Variants in ZNF277 observed in about 807,000 individuals in gnomAD.
ZNF277 encodes the protein nuclear receptor-interacting factor 4.
ZNF277 carries 55 observed loss-of-function variants against 60.7 expected under a neutral mutation model. The observed-to-expected ratio is 0.91, with a 90% CI of 0.73 to 1.13. ZNF277 has a LOEUF of 1.13. Ranked by LOEUF, ZNF277 falls within the 50% of genes most tolerant of loss-of-function variation. ZNF277 has a pLI of 0.00. For synonymous variants in ZNF277, 178 were observed against 179.3 expected (o/e 0.99, Z 0.06); for missense variants, 510 against 523.0 (o/e 0.98, Z 0.24).
intron 9 of ZNF277, among the ~76,000 whole-genome samples, 176 bp from the exon 10 acceptor site, chr7:112,339,667 T>TA (rs1563234854): frequency 6.6e-6 from 1 of 152,162 alleles, no homozygotes; most frequent in Non-Finnish European, 1.5e-5. Context: ...GACTATGCTG[T>TA]AAAAAAGTTG....
intron 1 of ZNF277, among the ~76,000 whole-genome samples, chr7:112,207,049 C>G (rs545495777): frequency 1.3e-5 from 2 of 152,304 alleles, no homozygotes; most frequent in Non-Finnish European, 2.9e-5. Flanking sequence ...ATGGAATGGC[C>G]TTCCCCTCCG....
At chr7:112,239,009 C>T (rs1419570090) in intron 1 of ZNF277, among the ~76,000 whole-genome samples, 11 of 152,016 alleles carry the variant, frequency 7.2e-5, no homozygotes, top group Admixed American at 3.3e-4. Context: ...CACCTAATGA[C>T]TAAAGAACCC....
At chr7:112,314,447 C>T (rs1792798436) in intron 4 of ZNF277, among the ~76,000 whole-genome samples, 1 of 152,022 alleles carries the variant, frequency 6.6e-6, no homozygotes, top group Non-Finnish European at 1.5e-5. Flanking sequence ...TCTTGCTATT[C>T]CCTATAACAT....
intron 1 of ZNF277, among the ~76,000 whole-genome samples, chr7:112,218,393 G>A (rs1473358593): frequency 6.6e-6 from 1 of 152,174 alleles, no homozygotes. Context: ...TGTACAGCAT[G>A]ATGTTTTGAT....
At chr7:112,297,985 A>C (rs1483023763) in intron 4 of ZNF277, among the ~76,000 whole-genome samples, 2 of 152,176 alleles carry the variant, frequency 1.3e-5, no homozygotes, top group Non-Finnish European at 2.9e-5. Context: ...TTACAGTTTG[A>C]TAGTGATACA....
intron 1 of ZNF277, among the ~76,000 whole-genome samples, chr7:112,218,073 A>G (rs1421175640): frequency 6.6e-6 from 1 of 152,242 alleles, no homozygotes; most frequent in Non-Finnish European, 1.5e-5. Flanking sequence ...TTGAGTAATA[A>G]TAAAACTCCA....
intron 1 of ZNF277, among the ~76,000 whole-genome samples, chr7:112,259,410 C>T (rs1006862400): frequency 1.7e-4 from 26 of 152,136 alleles, no homozygotes; most frequent in Admixed American, 1.6e-3. Flanking sequence ...ATAAAAATTA[C>T]GTAGTAGTAG....
chr7:112,279,636 C>T (rs916660345), intron 1 of ZNF277, among the ~76,000 whole-genome samples: 5 of 152,012 alleles, frequency 3.3e-5, no homozygotes, highest in African/African-American at 9.7e-5. Flanking sequence ...CCTGCCTAGT[C>T]GAAAATCTTG....
intron 1 of ZNF277, among the ~76,000 whole-genome samples, chr7:112,242,757 A>G (rs144561005): frequency 2.6e-4 from 39 of 152,194 alleles, no homozygotes; most frequent in Admixed American, 5.9e-4. Context: ...GGCAATCTAC[A>G]GATTCAGTGC....
chr7:112,285,485 A>T (rs1369677128), intron 1 of ZNF277, among the ~76,000 whole-genome samples: 1 of 146,606 alleles, frequency 6.8e-6, no homozygotes, highest in Non-Finnish European at 1.5e-5. Context: ...CCCAGGCTAG[A>T]GTGCAGTGGC....
chr7:112,319,800 C>T (rs1792935635), intron 5 of ZNF277, among the ~76,000 whole-genome samples: 1 of 151,518 alleles, frequency 6.6e-6, no homozygotes, highest in East Asian at 1.9e-4. Context: ...AGAGAAAAAT[C>T]GGTGCCAAGG....
At chr7:112,252,070 T>C (rs958808396) in intron 1 of ZNF277, among the ~76,000 whole-genome samples, 7 of 152,272 alleles carry the variant, frequency 4.6e-5, no homozygotes, top group Admixed American at 4.6e-4. Context: ...ATCCCATTTA[T>C]GCCTTTTGGC....
At chr7:112,299,677 A>G (rs1401309221) in intron 4 of ZNF277, among the ~76,000 whole-genome samples, 1 of 152,200 alleles carries the variant, frequency 6.6e-6, no homozygotes, top group Non-Finnish European at 1.5e-5. Flanking sequence ...AATTTAAACC[A>G]ATCAAACTGC....
At chr7:112,222,343 G>A (rs1044978958) in intron 1 of ZNF277, among the ~76,000 whole-genome samples, 2 of 152,176 alleles carry the variant, frequency 1.3e-5, no homozygotes, top group African/African-American at 4.8e-5. Context: ...GAAAGCTTTT[G>A]TTACTGAATT....
Position 112,339,803 on chromosome 7 carries a change from A to G in ZNF277, c.967-40A>G. The G allele has an allele frequency of 2.5e-6, 4 of 1,582,860 alleles. 1 individual carries two copies. Among genetic ancestry groups the G allele is most frequent in the Non-Finnish European group, 3.5e-6 (4 of 1,154,892 alleles). ...TTATAACTTCAGCCTGAAAGATTAA[A>G]TAATTCATATGCTTACAGATGTATT... On this transcript the variant is annotated intron_variant, in intron 9 of 11. Coordinates refer to ENST00000361822, the MANE Select transcript of ZNF277 (RefSeq NM_021994.3).
chr7:112,226,849 G>C (rs1265655653), intron 1 of ZNF277, among the ~76,000 whole-genome samples: 1 of 152,068 alleles, frequency 6.6e-6, no homozygotes, highest in Non-Finnish European at 1.5e-5. Flanking sequence ...GTATGATATA[G>C]AGGAATTTTT....
chr7:112,232,042 CATATATATATATATATATATATATAT>C lies in ZNF277; in HGVS notation c.91+25252_91+25277del, dbSNP rs67934905. On this transcript the variant is annotated intron_variant, in intron 1 of 11. Coordinates refer to ENST00000361822, the MANE Select transcript of ZNF277 (RefSeq NM_021994.3). ...GAACTGCCCCTAAAATAAATAAATACATATATATATATATATATATATATATATATATATATATATATTCCCTTAAC... is the reference window on the plus strand; with the variant it reads ...GAACTGCCCCTAAAATAAATAAATACATATATATATATATATTCCCTTAAC... Among the ~76,000 whole-genome samples the C allele has an allele frequency of 6.8e-5, 9 of 133,258 alleles. No homozygotes were observed. The South Asian group carries it at 6.9e-4, about 10-fold the overall frequency. The allele number at this position is 133,258 out of a possible 152,430, so 87.4% of individuals were successfully genotyped here.
chr7:112,267,854 A>G (rs191271938), intron 1 of ZNF277, among the ~76,000 whole-genome samples: 3 of 152,266 alleles, frequency 2.0e-5, no homozygotes, highest in South Asian at 2.1e-4. Flanking sequence ...AGCTTGCCCC[A>G]GCCAAGACCT....
rs1462962833 is a variant in ZNF277 at position 112,336,242 on chromosome 7, T to G, written c.869+71T>G. The G allele has an allele frequency of 3.6e-6, 5 of 1,382,620 alleles. No homozygotes were observed. The Admixed American group carries it at 1.1e-4, about 29-fold the overall frequency. 85.6% of individuals were successfully genotyped at this position (1,382,620 alleles called of 1,614,324 possible). ...AAGAAGACAATGCTTTAGTTTGGTTTAAATTATGAAGCGGGAACATAAGAA... is the reference window on the plus strand; with the variant it reads ...AAGAAGACAATGCTTTAGTTTGGTTGAAATTATGAAGCGGGAACATAAGAA... On this transcript the variant is annotated intron_variant, in intron 8 of 11. Coordinates refer to ENST00000361822, the MANE Select transcript of ZNF277 (RefSeq NM_021994.3).
Sources: allele counts gnomAD v4.1 joint callset (sites outside exome capture counted in the v4.1 genomes callset), GRCh38; gene constraint gnomAD v4.1.1; transcripts MANE v1.5; gene names NCBI Gene and HGNC (gene_info 2026-07-23, HGNC 2026-07-21).